NTRK1: variants seen among roughly 807,000 people sequenced by gnomAD.
The protein encoded by NTRK1 is high affinity nerve growth factor receptor.
Under a neutral mutation model 86.8 loss-of-function variants are expected in NTRK1, and 62 were observed. The observed-to-expected ratio is 0.71, with a 90% CI of 0.58 to 0.88. The LOEUF is 0.88. Among genes scored for constraint, NTRK1 ranks in the 40% least tolerant of loss-of-function variants. NTRK1 has a pLI of 0.00. For missense variants in NTRK1, 967 were observed against 1,078.4 expected, an observed-to-expected ratio of 0.90 and a Z score of 1.45; for synonymous variants, 469 against 456.6, an observed-to-expected ratio of 1.03 and a Z score of -0.35.
At chr1:156,853,588 G>A (rs755637877) in intron 2 of NTRK1, among the ~76,000 whole-genome samples, 6 of 152,068 alleles carry the variant, frequency 3.9e-5, no homozygotes, top group Admixed American at 6.5e-5. Flanking sequence ...CATTGGTTAC[G>A]TAACTTTTCT....
At chr1:156,851,932 A>G (rs765910825) in intron 2 of NTRK1, 30 of 1,599,968 alleles carry the variant, frequency 1.9e-5, no homozygotes, top group Non-Finnish European at 2.6e-5. Context: ...GGGCCAGGCA[A>G]CTGCCCTGGT....
At chr1:156,849,489 C>A (rs778415385) in intron 2 of NTRK1, 139 of 262,002 alleles carry the variant, frequency 5.3e-4, no homozygotes, top group Non-Finnish European at 9.1e-4. Context: ...CCTTGCTCTG[C>A]GGGGAGGTGG....
chr1:156,850,912 G>A lies in NTRK1; in HGVS notation c.50+8719G>A, dbSNP rs1003899070. On this transcript the variant is annotated intron_variant, in intron 2 of 16. Transcript: ENST00000392302. ...CATTATAGGTAGGCCTTGACTGGCA[G>A]ATGATAGGAATGGGTTTCAAACCCA... 6.6e-5 allele frequency among the ~76,000 whole-genome samples: 10 copies of A among 152,312 alleles called. No individual in the cohort carries two copies. In the East Asian group the frequency reaches 1.9e-3, roughly 29 times the overall value.
At chr1:156,878,407 A>G (rs1239657405) in intron 14 of NTRK1, among the ~76,000 whole-genome samples, 1 of 152,118 alleles carries the variant, frequency 6.6e-6, no homozygotes, top group Non-Finnish European at 1.5e-5. Context: ...CACTGCCATG[A>G]CCTGCTTATC....
intron 1 of NTRK1, among the ~76,000 whole-genome samples, chr1:156,825,207 T>C (rs551822250): frequency 6.6e-6 from 1 of 152,296 alleles, no homozygotes; most frequent in African/African-American, 2.4e-5. Context: ...ACCTCTCTTA[T>C]CCTGGGACTC....
At chr1:156,849,476 GGA>G in intron 2 of NTRK1, 1 of 1,571,884 alleles carries the variant, frequency 6.4e-7, no homozygotes, top group East Asian at 2.3e-5. Flanking sequence ...GGAGGCCAGG[GGA>G]CCTTGCTCTG....
rs946004390 is a variant in NTRK1 at position 156,866,879 on chromosome 1, G to C, written c.360-31G>C. 9 of 1,611,918 alleles carry C rather than the reference G, an allele frequency of 5.6e-6. No homozygotes were observed. The Admixed American group carries it at 1.0e-4, about 18-fold the overall frequency. ...CAGAGTGAGGTCGGGTCACTCAAGG[G>C]GTCTGTCTTGCTGTGTCTCCACGCC... is the stretch of plus-strand genomic sequence containing the variant. On this transcript the variant is annotated intron_variant, in intron 3 of 16. Coordinates refer to ENST00000524377, the MANE Select transcript of NTRK1 (RefSeq NM_002529.4).
At position 156,881,764 on chromosome 1, in the gene NTRK1, G is replaced by C. The variant is rs1413485172; in HGVS notation, c.*122G>C. On this transcript the variant is annotated 3_prime_UTR_variant, in exon 17 of 17. Transcript: ENST00000524377. Reference sequence around the variant, plus strand: ...TATCTAATTCACCCTCAGCATGTGGGAAGGGACAGGTGGGGGCTGGGAGTA... The same window carrying C: ...TATCTAATTCACCCTCAGCATGTGGCAAGGGACAGGTGGGGGCTGGGAGTA... The C allele has an allele frequency of 1.4e-5, 14 of 1,011,288 alleles. No homozygotes were observed. The highest frequency in any genetic ancestry group is 2.0e-5 in the Non-Finnish European group (14 of 713,330). 62.6% of individuals were successfully genotyped at this position (1,011,288 alleles called of 1,614,324 possible).
chr1:156,817,365 T>A (rs1317358979), intron 1 of NTRK1, among the ~76,000 whole-genome samples: 1 of 151,928 alleles, frequency 6.6e-6, no homozygotes, highest in Non-Finnish European at 1.5e-5. Context: ...AGAGAATCGC[T>A]TGAGCCCAGG....
Position 156,861,034 on chromosome 1 carries a change from G to A in NTRK1, c.100G>A (p.Ala34Thr), listed in dbSNP as rs1436042701. ...GCTGATACTGGCATCTGCGGGCGCCGCACCCTGCCCCGATGCCTGCTGCCC... is the reference window on the plus strand; with the variant it reads ...GCTGATACTGGCATCTGCGGGCGCCACACCCTGCCCCGATGCCTGCTGCCC... ...AWLILASAGA[A>T]PCPDACCPHG... Residue 34 changes from alanine to threonine, a missense_variant, in exon 1 of 17, where the codon GCA (alanine) becomes ACA (threonine). Physicochemically the swap from Ala to Thr is moderately conservative, Grantham distance 58. Coordinates refer to ENST00000524377, the MANE Select transcript of NTRK1 (RefSeq NM_002529.4). 1.3e-6 allele frequency: 2 copies of A among 1,546,856 alleles called. No homozygotes were observed. Among genetic ancestry groups the A allele is most frequent in the Admixed American group, 1.9e-5 (1 of 52,654 alleles).
chr1:156,842,874 A>T, intron 2 of NTRK1: 1 of 731,612 alleles, frequency 1.4e-6, no homozygotes, highest in Non-Finnish European at 2.3e-6. Flanking sequence ...CCTTTACCCC[A>T]ATTAGGATCC....
intron 1 of NTRK1, among the ~76,000 whole-genome samples, chr1:156,834,425 A>G (rs1006090357): frequency 3.9e-5 from 6 of 152,188 alleles, no homozygotes; most frequent in African/African-American, 1.4e-4. Context: ...CAGCCTGGGG[A>G]CAGGGAAGAT....
At chr1:156,842,188 A>T in exon 2 of NTRK1, 1 of 1,614,148 alleles carries the variant, frequency 6.2e-7, no homozygotes, top group South Asian at 1.1e-5. Context: ...ACTTGTTGGC[A>T]GCAAGGTAGG....
At chr1:156,828,118 T>C (rs966223019) in intron 1 of NTRK1, among the ~76,000 whole-genome samples, 1 of 152,164 alleles carries the variant, frequency 6.6e-6, no homozygotes, top group African/African-American at 2.4e-5. Context: ...CAGCCTATAA[T>C]ATATCCAATG....
Position 156,876,592 on chromosome 1 carries a change from G to T in NTRK1, c.1805+20G>T. The T allele has an allele frequency of 6.2e-7, 1 of 1,604,184 alleles. No homozygotes were observed. On this transcript the variant is annotated intron_variant, in intron 14 of 16. Coordinates refer to ENST00000524377, the MANE Select transcript of NTRK1 (RefSeq NM_002529.4). ...CCTCCGGTACCAGCACCTGGCCTCA[G>T]CGCTGGCCCCGGCCCCTGGCTCTGG... is the stretch of plus-strand genomic sequence containing the variant.
At chr1:156,867,486 C>A (rs1159431307) in intron 4 of NTRK1, among the ~76,000 whole-genome samples, 2 of 152,102 alleles carry the variant, frequency 1.3e-5, no homozygotes, top group East Asian at 1.9e-4. Flanking sequence ...CATTAGATTT[C>A]TTTCATTTTT....
At chr1:156,866,545 T>C (rs1348443004) in intron 3 of NTRK1, among the ~76,000 whole-genome samples, 1 of 152,130 alleles carries the variant, frequency 6.6e-6, no homozygotes, top group African/African-American at 2.4e-5. Flanking sequence ...CTGGGCTCTG[T>C]AGGGAGGGGA....
rs1470193991 is a variant in NTRK1 at position 156,876,205 on chromosome 1, G to A, written c.1627G>A (p.Val543Ile). ...TGAGCAGGACAAGATGCTGGTGGCT[G>A]TCAAGGTGAGACCCTGCCCCGGGGG... ...LPEQDKMLVAVKALKEASESA... is the reference protein window; with the variant it reads ...LPEQDKMLVAIKALKEASESA... Residue 543 changes from valine (V) to isoleucine (I), a missense_variant, in exon 13 of 17, where the codon GTC becomes ATC. This residue lies in a region of NTRK1 where 637 missense variants were observed against 776.5 expected (regional missense o/e 0.82). Transcript: ENST00000524377. 1 of 1,614,044 alleles carries A rather than the reference G, an allele frequency of 6.2e-7. No individual in the cohort carries two copies. Among genetic ancestry groups the A allele is most frequent in the Non-Finnish European group, 8.5e-7 (1 of 1,180,028 alleles).
At chr1:156,855,267 A>G (rs1342382273) in intron 2 of NTRK1, among the ~76,000 whole-genome samples, 3 of 151,912 alleles carry the variant, frequency 2.0e-5, no homozygotes, top group Non-Finnish European at 4.4e-5. Context: ...GCAGTGGCAC[A>G]ATCTCAGCTC....
Sources: gnomAD v4.1 joint callset for allele counts (sites outside exome capture counted in the v4.1 genomes callset) on GRCh38, gnomAD v4.1.1 for gene constraint, gnomAD v4.1.1 regional missense constraint, MANE v1.5 for transcripts, NCBI Gene and HGNC (gene_info 2026-07-23, HGNC 2026-07-21) for gene names.